The following TEX261 variants were observed in gnomAD, a reference collection of about 807,000 sequenced individuals.
TEX261 encodes testis expressed 261.
In TEX261, 13 loss-of-function variants were observed where a neutral mutation model predicts 25.1. The observed-to-expected ratio is 0.52, with a 90% confidence interval of 0.34 to 0.82. The LOEUF (loss-of-function observed/expected upper bound fraction) is 0.82, where lower values mean the gene tolerates loss of function less well. Ranked by LOEUF, TEX261 falls within the 40% of genes least tolerant of loss-of-function variation. TEX261 has a pLI of 0.02. For missense variants in TEX261, 206 were observed against 243.2 expected, an observed-to-expected ratio of 0.85 and a Z score of 1.02; for synonymous variants, 92 against 97.8, an observed-to-expected ratio of 0.94 and a Z score of 0.35.
At position 70,988,428 on chromosome 2, in the gene TEX261, A is replaced by C; in HGVS notation, c.*172T>G. The C allele has an allele frequency of 3.3e-6, 2 of 606,470 alleles. No homozygotes were observed. The highest frequency in any genetic ancestry group is 5.9e-6 in the Non-Finnish European group (2 of 340,216). The allele number at this position is 606,470 out of a possible 1,614,324, so 37.6% of individuals were successfully genotyped here. A position where few individuals can be genotyped will look rare whatever the true frequency, so the allele number is the denominator to read the frequency against. ...AGGTTACAGCCTCTTGAAGCATCAGATCTGAGCCAAGCTGAGCCCCCCAAG... is the reference window on the plus strand; with the variant it reads ...AGGTTACAGCCTCTTGAAGCATCAGCTCTGAGCCAAGCTGAGCCCCCCAAG... On this transcript the variant is annotated 3_prime_UTR_variant, in exon 6 of 6. Transcript: ENST00000272438.
intron 1 of TEX261, 58 bp downstream of exon 1, chr2:70,994,630 C>T: frequency 6.4e-7 from 1 of 1,555,676 alleles, no homozygotes; most frequent in Non-Finnish European, 8.7e-7. Context: ...GATGCGACCC[C>T]CAACGAGCAC....
intron 3 of TEX261, among the ~76,000 whole-genome samples, chr2:70,990,374 T>C (rs1284080976): frequency 1.3e-5 from 2 of 151,238 alleles, no homozygotes; most frequent in Admixed American, 1.3e-4. Context: ...GGGGAGGGGG[T>C]CCCTCCTCAT....
intron 1 of TEX261, 56 bp downstream of exon 1, chr2:70,994,622 TGCGACCCCCA>T: frequency 6.5e-7 from 1 of 1,549,774 alleles, no homozygotes; most frequent in Non-Finnish European, 8.7e-7. Context: ...ACCCCCGCGA[TGCGACCCCCA>T]ACGAGCACCG....
intron 1 of TEX261, 46 bp downstream of exon 1, chr2:70,994,642 G>A: frequency 6.4e-7 from 1 of 1,564,656 alleles, no homozygotes; most frequent in Non-Finnish European, 8.7e-7. Flanking sequence ...AACGAGCACC[G>A]ATGCCGGGGC....
rs1282204809 is a variant in TEX261, at chr2:70,988,322, A to C, written c.*278T>G. 33 of 407,296 alleles carry C rather than the reference A, an allele frequency of 8.1e-5. No homozygotes were observed. In the East Asian group the frequency reaches 1.3e-3, roughly 16 times the overall value. The allele number at this position is 407,296 out of a possible 1,614,324, so 25.2% of individuals were successfully genotyped here. A position where few individuals can be genotyped will look rare whatever the true frequency, so the allele number is the denominator to read the frequency against. On this transcript the variant is annotated 3_prime_UTR_variant, in exon 6 of 6. Transcript: ENST00000272438. ...CAGCGGGGCCAGAACCTCCTGACCC[A>C]CCTTGGAAGGGACAGGGGAGGACTG...
intron 1 of TEX261, 69 bp downstream of exon 1, chr2:70,994,619 C>A (rs557887037): frequency 1.9e-6 from 3 of 1,547,956 alleles, no homozygotes; most frequent in East Asian, 4.9e-5. Flanking sequence ...GAAACCCCCG[C>A]GATGCGACCC....
chr2:70,994,412 C>G, intron 1 of TEX261: 1 of 529,152 alleles, frequency 1.9e-6, no homozygotes, highest in Non-Finnish European at 3.3e-6. Flanking sequence ...GGAGCCGCAG[C>G]GGTTAGCGGT....
chr2:70,988,581 C>A lies in TEX261; in HGVS notation c.*19G>T. 1 of 1,587,172 alleles carries A rather than the reference C, an allele frequency of 6.3e-7. No individual in the cohort carries two copies. The highest frequency in any genetic ancestry group is 8.7e-7 in the Non-Finnish European group (1 of 1,155,452). On this transcript the variant is annotated 3_prime_UTR_variant, in exon 6 of 6. Transcript: ENST00000272438. ...CTGACTCTCCTGATCTTGCCCCCCA[C>A]ATCCTGCCTGCATGGGGGTCAGTAT...
intron 3 of TEX261, 120 bp from the exon 4 acceptor site, chr2:70,989,936 C>G: frequency 1.4e-6 from 1 of 733,058 alleles, no homozygotes; most frequent in Non-Finnish European, 2.4e-6. Context: ...ACTTTACACT[C>G]AACTCAGAGT....
chr2:70,989,086 C>T (rs898985873), intron 4 of TEX261, 69 bp from the exon 5 acceptor site: 36 of 1,383,750 alleles, frequency 2.6e-5, no homozygotes, highest in Middle Eastern at 3.6e-4. Flanking sequence ...GTGGTGACTG[C>T]GTGTTGGTCA....
In TEX261 at chr2:70,992,958, A is replaced by G. The variant is rs565108378; in HGVS notation, c.150+738T>C. 1.5e-4 allele frequency among the ~76,000 whole-genome samples: 23 copies of G among 152,370 alleles called. No individual in the cohort carries two copies. The South Asian group carries it at 3.3e-3, about 22-fold the overall frequency. On this transcript the variant is annotated intron_variant, in intron 2 of 5. Transcript: ENST00000272438. The stretch of plus-strand genomic sequence containing the variant: ...TTAGCAAATGACAGTTGGCTGAATG[A>G]AGGGCTAATTACTGTGCCAACACCC...
At chr2:70,991,707 T>A (rs577543803) in intron 3 of TEX261, 123 bp downstream of exon 3, 9 of 1,212,138 alleles carry the variant, frequency 7.4e-6, no homozygotes, top group Middle Eastern at 2.6e-4. Flanking sequence ...TCTTCCCAAC[T>A]AGCCTGGCTT....
At position 70,991,834 on chromosome 2, in the gene TEX261, C is replaced by T. The variant is rs150757206; in HGVS notation, c.300G>A (p.Ser100=). The change falls in exon 3 of 6, where the codon TCG becomes TCA. Residue 100 remains serine (S), a synonymous_variant. Transcript: ENST00000272438. Reference sequence around the variant, plus strand: ...CCCAACTCTGTCCCCTCTCACCACACGACAGGATGAAGTTAGGCGAGGTCA... The same window carrying T: ...CCCAACTCTGTCCCCTCTCACCACATGACAGGATGAAGTTAGGCGAGGTCA... The part of the protein sequence containing the change: ...IMLTSPNFIL[S]CGLVVVNHYL... 5.4e-4 allele frequency: 874 copies of T among 1,613,112 alleles called. 10 individuals carry two copies. The East Asian group carries it at 0.018, about 34-fold the overall frequency.
chr2:70,990,015 A>G (rs1553425456), intron 3 of TEX261, among the ~76,000 whole-genome samples, 199 bp from the exon 4 acceptor site: 1 of 152,238 alleles, frequency 6.6e-6, no homozygotes, highest in Non-Finnish European at 1.5e-5. Context: ...CCCACTGCAC[A>G]GGGCATTCTG....
At chr2:70,989,313 AC>A in intron 4 of TEX261, 3 of 486,118 alleles carry the variant, frequency 6.2e-6, no homozygotes, top group South Asian at 2.3e-5. Context: ...ACTGACCCAC[AC>A]CCCCCAAAGA....
chr2:70,991,322 G>A (rs782041919), intron 3 of TEX261, among the ~76,000 whole-genome samples: 3 of 152,206 alleles, frequency 2.0e-5, no homozygotes, highest in Non-Finnish European at 2.9e-5. Flanking sequence ...GCTCAAGCCC[G>A]AGGCAGCGGC....
At chr2:70,990,908 CT>C (rs1670288097) in intron 3 of TEX261, among the ~76,000 whole-genome samples, 1 of 152,170 alleles carries the variant, frequency 6.6e-6, no homozygotes, top group East Asian at 1.9e-4. Flanking sequence ...TGAACAAATT[CT>C]TTGGTGAAAT....
At chr2:70,992,100 A>C in intron 2 of TEX261, 117 bp from the exon 3 acceptor site, 3 of 1,038,946 alleles carry the variant, frequency 2.9e-6, no homozygotes, top group Non-Finnish European at 2.6e-6. Flanking sequence ...TCCTCATTTC[A>C]CAGGTCTGGC....
chr2:70,989,632 T>C (rs1176996710), intron 4 of TEX261, 117 bp downstream of exon 4: 3 of 769,556 alleles, frequency 3.9e-6, no homozygotes, highest in East Asian at 2.6e-5. Context: ...TTTTCAAACA[T>C]GTAATCCTTG....
Sources: gnomAD v4.1 joint callset for allele counts (sites outside exome capture counted in the v4.1 genomes callset) on GRCh38, gnomAD v4.1.1 for gene constraint, MANE v1.5 for transcripts, NCBI Gene and HGNC (gene_info 2026-07-23, HGNC 2026-07-21) for gene names.